DOCK8: variants seen among roughly 807,000 people sequenced by gnomAD.
DOCK8 encodes the protein dedicator of cytokinesis 8, also known as dedicator of cytokinesis protein 8.
DOCK8 carries 141 observed loss-of-function variants against 245.6 expected under a neutral mutation model. The ratio of observed to expected loss-of-function variants is 0.57; its 90% CI spans 0.50 to 0.66. The LOEUF is 0.66. Ranked by LOEUF, DOCK8 falls within the 30% of genes least tolerant of loss-of-function variation. The pLI, the probability that DOCK8 is intolerant of heterozygous loss-of-function variation, is 0.00. For synonymous variants in DOCK8, 1,168 were observed against 970.2 expected, an observed-to-expected ratio of 1.20 and a Z score of -3.79; for missense variants, 2,965 against 2,603.4, an observed-to-expected ratio of 1.14 and a Z score of -3.02.
intron 14 of DOCK8, among the ~76,000 whole-genome samples, chr9:360,044 G>T (rs543575295): frequency 6.6e-6 from 1 of 152,034 alleles, no homozygotes; most frequent in Non-Finnish European, 1.5e-5. Context: ...GGCCAAGTAT[G>T]GTGGCTCACA....
chr9:454,943 C>T (rs574521162), intron 46 of DOCK8, among the ~76,000 whole-genome samples: 3 of 152,278 alleles, frequency 2.0e-5, no homozygotes, highest in Non-Finnish European at 2.9e-5. Flanking sequence ...TCCTAGGGGT[C>T]GCTCCTTTAA....
intron 7 of DOCK8, among the ~76,000 whole-genome samples, chr9:323,749 G>T (rs779178514): frequency 9.2e-5 from 14 of 152,062 alleles, no homozygotes; most frequent in Admixed American, 2.0e-4. Flanking sequence ...TCATGTAAGG[G>T]GAATCATGAA....
intron 28 of DOCK8, among the ~76,000 whole-genome samples, chr9:413,367 CA>C (rs1333271309): frequency 3.9e-5 from 6 of 152,024 alleles, no homozygotes; most frequent in African/African-American, 1.4e-4. Flanking sequence ...TTAGATATGA[CA>C]CACTCGAAAG....
intron 20 of DOCK8, among the ~76,000 whole-genome samples, chr9:378,840 A>C (rs2053622661): frequency 6.6e-6 from 1 of 152,198 alleles, no homozygotes; most frequent in Non-Finnish European, 1.5e-5. Context: ...GGGGGCACAA[A>C]AGATGTGAGA....
At chr9:421,547 A>G (rs1483239448) in intron 32 of DOCK8, among the ~76,000 whole-genome samples, 1 of 152,192 alleles carries the variant, frequency 6.6e-6, no homozygotes, top group Non-Finnish European at 1.5e-5. Context: ...CAGTCATTCA[A>G]GGATTCCACC....
chr9:416,868 A>G (rs528127670), intron 29 of DOCK8, among the ~76,000 whole-genome samples: 3 of 152,350 alleles, frequency 2.0e-5, no homozygotes, highest in East Asian at 3.8e-4. Context: ...CTATAACCCT[A>G]TGGCAATTAA....
intron 1 of DOCK8, among the ~76,000 whole-genome samples, chr9:230,500 A>C (rs572242407): frequency 7.9e-4 from 121 of 152,216 alleles, no homozygotes; most frequent in African/African-American, 2.9e-3. Context: ...TGGTTGAATT[A>C]GTTTACAGTC....
At chr9:263,715 C>G (rs990805951) in intron 1 of DOCK8, among the ~76,000 whole-genome samples, 1 of 152,110 alleles carries the variant, frequency 6.6e-6, no homozygotes, top group Non-Finnish European at 1.5e-5. Context: ...AATATTTTCA[C>G]TAGGTAGAAA....
At chr9:214,532 C>G, upstream of DOCK8, 1 of 1,613,506 alleles carries the variant, frequency 6.2e-7, no homozygotes, top group Non-Finnish European at 8.5e-7. Context: ...GGGTGATTCC[C>G]GACCTCGCCA....
chr9:456,548 C>T (rs1015725851), intron 46 of DOCK8: 6 of 152,230 alleles, frequency 3.9e-5, no homozygotes, highest in African/African-American at 7.2e-5. Flanking sequence ...AGTGCCACCA[C>T]GGGGCAGCGA....
At chr9:215,582 C>G in intron 1 of DOCK8, 1 of 757,778 alleles carries the variant, frequency 1.3e-6, no homozygotes, top group Non-Finnish European at 1.9e-6. Flanking sequence ...TACCCTGGTC[C>G]AAAGGAGCCA....
Position 328,048 on chromosome 9 carries a change from G to C in DOCK8, c.921G>C (p.Leu307=), listed in dbSNP as rs757715240. ...KKISENFHCD[L]NSDQFKGFLR... is the part of the protein sequence containing the mutation. ...TCTCAGAAAATTTTCACTGTGACCT[G>C]AACTCTGACCAGTTCAAAGGATTTC... is the stretch of plus-strand genomic sequence containing the variant. The change falls in exon 9 of 48, where the codon CTG becomes CTC. Residue 307 remains leucine (L), a synonymous_variant. Transcript: ENST00000432829. The C allele has an allele frequency of 6.2e-7, 1 of 1,614,138 alleles. No individual in the cohort carries two copies. Among genetic ancestry groups the C allele is most frequent in the East Asian group, 2.2e-5 (1 of 44,890 alleles).
At chr9:406,610 C>T (rs943629484) in intron 27 of DOCK8, among the ~76,000 whole-genome samples, 5 of 151,938 alleles carry the variant, frequency 3.3e-5, no homozygotes, top group Non-Finnish European at 7.4e-5. Flanking sequence ...TCTTATTTCT[C>T]TGTCCAACTT....
intron 1 of DOCK8, chr9:220,861 CA>C: frequency 3.4e-6 from 1 of 298,212 alleles, no homozygotes; most frequent in South Asian, 2.6e-5. Flanking sequence ...GCTGAGATTA[CA>C]GGTGCGCACC....
At chr9:324,076 A>G (rs551289421) in intron 7 of DOCK8, among the ~76,000 whole-genome samples, 1 of 152,240 alleles carries the variant, frequency 6.6e-6, no homozygotes, top group Non-Finnish European at 1.5e-5. Flanking sequence ...AGATAAATAA[A>G]TGGAATTCAG....
intron 33 of DOCK8, among the ~76,000 whole-genome samples, chr9:424,317 G>C (rs187868411): frequency 1.3e-5 from 2 of 152,188 alleles, no homozygotes; most frequent in Admixed American, 1.3e-4. Context: ...GCAGGACCCA[G>C]AAATCAGTAT....
intron 14 of DOCK8, among the ~76,000 whole-genome samples, chr9:343,354 G>T (rs987398119): frequency 1.3e-5 from 2 of 151,998 alleles, no homozygotes; most frequent in Non-Finnish European, 2.9e-5. Context: ...AATTGCCCAG[G>T]TGTGGTATTG....
At chr9:264,636 C>A (rs1414849390) in intron 1 of DOCK8, among the ~76,000 whole-genome samples, 3 of 152,142 alleles carry the variant, frequency 2.0e-5, no homozygotes, top group African/African-American at 7.2e-5. Flanking sequence ...TATGGAGATA[C>A]AGTTATGGAT....
At chr9:372,067 GAGTACTGGTCAAT>G in intron 17 of DOCK8, 105 bp from the exon 18 acceptor site, 1 of 876,694 alleles carries the variant, frequency 1.1e-6, no homozygotes, top group Non-Finnish European at 1.8e-6. Context: ...CTGCCAAAAA[GAGTACTGGTCAAT>G]ATCTACTCAC....
Sources: allele counts gnomAD v4.1 joint callset (sites outside exome capture counted in the v4.1 genomes callset), GRCh38; gene constraint gnomAD v4.1.1; transcripts MANE v1.5; gene names NCBI Gene and HGNC (gene_info 2026-07-23, HGNC 2026-07-21).